MIGA2: variants seen among roughly 807,000 people sequenced by gnomAD.
The protein encoded by MIGA2 is mitoguardin 2.
MIGA2 carries 36 observed loss-of-function variants against 69.9 expected under a neutral mutation model. The observed-to-expected ratio is 0.52, with a 90% CI of 0.39 to 0.68. The LOEUF (loss-of-function observed/expected upper bound fraction) is 0.68. Among genes scored for constraint, MIGA2 ranks in the 30% least tolerant of loss-of-function variants. The probability of loss-of-function intolerance (pLI) is 0.00; values close to 1 mark genes in which losing one functional copy is unlikely to be tolerated. For missense variants in MIGA2, 660 were observed against 787.7 expected (o/e 0.84, Z 1.94); for synonymous variants, 333 against 349.2 (o/e 0.95, Z 0.52).
chr9:129,056,852 G>T (rs757783409), intron 6 of MIGA2, among the ~76,000 whole-genome samples: 4 of 151,990 alleles, frequency 2.6e-5, no homozygotes, highest in Non-Finnish European at 4.4e-5. Context: ...TGGGCAACAT[G>T]GTGAAACCCC....
At chr9:129,043,019 C>G (rs1845001386) in intron 3 of MIGA2, among the ~76,000 whole-genome samples, 1 of 152,012 alleles carries the variant, frequency 6.6e-6, no homozygotes, top group African/African-American at 2.4e-5. Flanking sequence ...ACGGTGAAAC[C>G]CCGTCTCTAC....
In MIGA2 at chr9:129,069,318, T is replaced by C. The variant is rs1846539370; in HGVS notation, c.1458+189T>C. 3 of 672,296 alleles carry C rather than the reference T, an allele frequency of 4.5e-6. No individual in the cohort carries two copies. In the East Asian group the frequency reaches 8.2e-5, roughly 18 times the overall value. The allele number at this position is 672,296 out of a possible 1,614,324, so 41.6% of individuals were successfully genotyped here. ...GAGGCTCGTGTAGACCCACTTCCTCTCCTCCCCAGGCCCAGCACAGAGCAG... is the reference window on the plus strand; with the variant it reads ...GAGGCTCGTGTAGACCCACTTCCTCCCCTCCCCAGGCCCAGCACAGAGCAG... On this transcript the variant is annotated intron_variant, in intron 14 of 15. Coordinates refer to ENST00000684074, the MANE Select transcript of MIGA2 (RefSeq NM_001329990.2). This position sits in a 1 kb window ranked among gnomAD's most constrained non-coding sequence, Gnocchi z 4.9.
chr9:129,056,594 C>T (rs1479432767), intron 6 of MIGA2, among the ~76,000 whole-genome samples: 2 of 151,864 alleles, frequency 1.3e-5, no homozygotes, highest in East Asian at 3.9e-4. Context: ...TCTCGGCTCA[C>T]TGCTACCTCC....
chr9:129,070,147 G>T, intron 15 of MIGA2, 100 bp from the exon 16 acceptor site: 1 of 1,412,192 alleles, frequency 7.1e-7, no homozygotes, highest in Non-Finnish European at 9.9e-7. Flanking sequence ...GAAAGGACCG[G>T]CTGGGGCTCT....
At chr9:129,067,963 A>G (rs755202394) in intron 12 of MIGA2, 92 bp downstream of exon 12, 10 of 1,431,994 alleles carry the variant, frequency 7.0e-6, no homozygotes, top group Middle Eastern at 1.7e-4. Flanking sequence ...CTCAGTTCCA[A>G]GCGGCTGAGA....
chr9:129,038,004 C>T (rs1301606804), intron 1 of MIGA2, among the ~76,000 whole-genome samples: 1 of 152,196 alleles, frequency 6.6e-6, no homozygotes, highest in Non-Finnish European at 1.5e-5. Context: ...CTGGATCTGG[C>T]CTGGAATAAG....
Position 129,060,636 on chromosome 9 carries a change from T to C in MIGA2, c.880T>C (p.Phe294Leu). Residue 294 changes from phenylalanine to leucine, a missense_variant, in exon 8 of 16, where the codon TTC (phenylalanine) becomes CTC (leucine). By Grantham distance (22) the Phe-to-Leu change is conservative. Transcript: ENST00000684074. This position sits in a 1 kb window ranked among gnomAD's most constrained non-coding sequence, Gnocchi z 4.8. ...EDSLTSEDSF[F>L]SATELFESLQ... is the part of the protein sequence containing the mutation. ...CAGCCTGACTTCAGAGGATTCCTTC[T>C]TCTCCGCCACCGAGGTGACTCGGGG... The C allele has an allele frequency of 6.3e-7, 1 of 1,597,016 alleles. No homozygotes were observed. Among genetic ancestry groups the C allele is most frequent in the Non-Finnish European group, 8.5e-7 (1 of 1,171,668 alleles).
rs934515533 is a variant in MIGA2 at position 129,063,183 on chromosome 9, A to G, written c.1011-61A>G. 3.0e-5 allele frequency: 48 copies of G among 1,579,012 alleles called. 2 individuals carry two copies. In the South Asian group the frequency reaches 3.2e-4, roughly 11 times the overall value. ...CCCCTCCCCACCCAGGTGCCACCTG[A>G]CCCCCCGGGGCATCGCTGGGCAGGG... On this transcript the variant is annotated intron_variant, in intron 9 of 15. Transcript: ENST00000684074.
intron 11 of MIGA2, among the ~76,000 whole-genome samples, chr9:129,064,825 C>G (rs1175248127): frequency 6.6e-6 from 1 of 151,764 alleles, no homozygotes; most frequent in East Asian, 1.9e-4. Flanking sequence ...TCCCGCCACC[C>G]AGTCTGGAGT....
chr9:129,056,129 GAAAAAAA>G (rs76491749), intron 6 of MIGA2, among the ~76,000 whole-genome samples: 3 of 77,364 alleles, frequency 3.9e-5, no homozygotes, highest in Admixed American at 2.7e-4. Flanking sequence ...CCTGTCTCAA[GAAAAAAA>G]AAAAAAAAAA....
At chr9:129,040,373 A>C (rs1419572163) in intron 1 of MIGA2, 79 bp from the exon 2 acceptor site, 8 of 1,074,660 alleles carry the variant, frequency 7.4e-6, no homozygotes, top group Non-Finnish European at 2.5e-6. Flanking sequence ...CTCCTCCCCC[A>C]TGGACGCTCT....
Position 129,068,359 on chromosome 9 carries a change from CACACTT to C in MIGA2, c.1404+28_1404+33del. The C allele has an allele frequency of 6.3e-7, 1 of 1,598,060 alleles. No homozygotes were observed. Among genetic ancestry groups the C allele is most frequent in the Non-Finnish European group, 8.5e-7 (1 of 1,178,458 alleles). ...TGGGTCACTGCCCTGCTCTCAGACC[CACACTT>C]GCTCACATCAGCCCGTGTGGTTGCC... On this transcript the variant is annotated intron_variant, in intron 13 of 15. Coordinates refer to ENST00000684074, the MANE Select transcript of MIGA2 (RefSeq NM_001329990.2). The surrounding 1 kb of genome is among the most constrained non-coding windows in gnomAD (Gnocchi z 4.1).
In MIGA2 at chr9:129,070,503, C is replaced by G. The variant is rs923185149; in HGVS notation, c.*50C>G. ...AGAGAGAAGGCTCCTCCTCCCTTCCCTGGGTTGGTATCTGACAGCTGTGGT... is the reference window on the plus strand; with the variant it reads ...AGAGAGAAGGCTCCTCCTCCCTTCCGTGGGTTGGTATCTGACAGCTGTGGT... On this transcript the variant is annotated 3_prime_UTR_variant, in exon 16 of 16. Coordinates refer to ENST00000684074, the MANE Select transcript of MIGA2 (RefSeq NM_001329990.2). The G allele has an allele frequency of 6.8e-7, 1 of 1,464,174 alleles. No individual in the cohort carries two copies. Among genetic ancestry groups the G allele is most frequent in the Middle Eastern group, 2.5e-4 (1 of 4,044 alleles). The allele number at this position is 1,464,174 out of a possible 1,614,324, so 90.7% of individuals were successfully genotyped here.
chr9:129,051,904 C>T (rs1845565795), intron 6 of MIGA2, among the ~76,000 whole-genome samples: 1 of 151,940 alleles, frequency 6.6e-6, no homozygotes, highest in Admixed American at 6.6e-5. Context: ...CGACTCACTG[C>T]AAGCTCTGCC....
At chr9:129,044,087 G>T (rs1006259118) in intron 3 of MIGA2, among the ~76,000 whole-genome samples, 2 of 151,014 alleles carry the variant, frequency 1.3e-5, no homozygotes, top group Admixed American at 1.3e-4. Flanking sequence ...TCTGCCTTCC[G>T]GTTTCAAGCA....
intron 11 of MIGA2, among the ~76,000 whole-genome samples, chr9:129,065,335 A>G (rs1846286515): frequency 6.6e-6 from 1 of 151,856 alleles, no homozygotes; most frequent in Non-Finnish European, 1.5e-5. Flanking sequence ...AAACCACCCA[A>G]AAAGTATCTA....
chr9:129,052,543 G>A (rs534263137), intron 6 of MIGA2, among the ~76,000 whole-genome samples: 5 of 152,158 alleles, frequency 3.3e-5, no homozygotes, highest in Admixed American at 6.5e-5. Context: ...TTGGGAGGCC[G>A]AGGCAGGAGG....
chr9:129,040,067 G>A (rs1844816206), intron 1 of MIGA2, among the ~76,000 whole-genome samples: 1 of 152,202 alleles, frequency 6.6e-6, no homozygotes, highest in African/African-American at 2.4e-5. Flanking sequence ...TAACTTTGTG[G>A]GAGGTAAAAA....
chr9:129,066,502 G>A (rs1033357188), intron 11 of MIGA2, among the ~76,000 whole-genome samples: 7 of 151,540 alleles, frequency 4.6e-5, no homozygotes, highest in African/African-American at 9.7e-5. Flanking sequence ...GTGAAACCCC[G>A]TCTCTACTAA....
Sources: allele counts gnomAD v4.1 joint callset (sites outside exome capture counted in the v4.1 genomes callset), GRCh38; gene constraint gnomAD v4.1.1; non-coding constraint Gnocchi (gnomAD v3.1); transcripts MANE v1.5; gene names NCBI Gene and HGNC (gene_info 2026-07-23, HGNC 2026-07-21).